Variants in XKR4 observed in about 807,000 individuals in gnomAD.
The protein encoded by XKR4 is XK-related protein 4.
In XKR4, 12 loss-of-function variants were observed where a neutral mutation model predicts 53.9. That is an observed-to-expected ratio of 0.22 (90% CI 0.14 to 0.36). The LOEUF (loss-of-function observed/expected upper bound fraction) is 0.36. XKR4 is among the 10% of genes least tolerant of loss of function. XKR4 has a pLI of 1.00. For synonymous variants in XKR4, 354 were observed against 362.4 expected, an observed-to-expected ratio of 0.98 and a Z score of 0.26; for missense variants, 799 against 859.5, an observed-to-expected ratio of 0.93 and a Z score of 0.88.
At chr8:55,487,374 T>C (rs1806208666) in intron 2 of XKR4, among the ~76,000 whole-genome samples, 2 of 152,082 alleles carry the variant, frequency 1.3e-5, no homozygotes, top group Non-Finnish European at 2.9e-5. Flanking sequence ...TTTCTCCACA[T>C]AGTCCACTCA....
chr8:55,254,149 A>T (rs2129370115), intron 1 of XKR4, among the ~76,000 whole-genome samples: 1 of 152,178 alleles, frequency 6.6e-6, no homozygotes, highest in Non-Finnish European at 1.5e-5. Flanking sequence ...TCTTTAATCG[A>T]GCCTTTCTTC....
rs542466268 is a variant in XKR4, at chr8:55,361,096, G to A, written c.1006+3219G>A. On this transcript the variant is annotated intron_variant, in intron 2 of 2. Coordinates refer to ENST00000327381, the MANE Select transcript of XKR4 (RefSeq NM_052898.2). ...AGCTACTCTCCACGGGATCTGGGAT[G>A]TCCCAGAGCCAGCTCCCCGCGGAGT... 3.9e-5 allele frequency among the ~76,000 whole-genome samples: 6 copies of A among 152,350 alleles called. No homozygotes were observed. In the East Asian group the frequency reaches 1.2e-3, roughly 29 times the overall value.
chr8:55,221,969 A>G (rs1465193079), intron 1 of XKR4, among the ~76,000 whole-genome samples: 2 of 152,280 alleles, frequency 1.3e-5, no homozygotes. Context: ...TTGAATTGGA[A>G]TGAGTGAATT....
At chr8:55,181,372 C>T (rs899935329) in intron 1 of XKR4, among the ~76,000 whole-genome samples, 5 of 152,100 alleles carry the variant, frequency 3.3e-5, no homozygotes, top group African/African-American at 9.7e-5. Context: ...TTTCTACATC[C>T]TCCCCTCATA....
chr8:55,383,038 C>G (rs188324939), intron 2 of XKR4, among the ~76,000 whole-genome samples: 1 of 152,022 alleles, frequency 6.6e-6, no homozygotes, highest in Admixed American at 6.6e-5. Context: ...CAGTGTGAAA[C>G]CCCGTTTCTA....
intron 1 of XKR4, among the ~76,000 whole-genome samples, chr8:55,322,114 T>A (rs772721880): frequency 1.8e-4 from 28 of 152,258 alleles, no homozygotes; most frequent in Non-Finnish European, 3.8e-4. Context: ...TTTTGTGTTC[T>A]TTATTCTTAC....
chr8:55,229,141 A>G (rs1465310145), intron 1 of XKR4, among the ~76,000 whole-genome samples: 2 of 152,196 alleles, frequency 1.3e-5, no homozygotes, highest in East Asian at 1.9e-4. Context: ...GCAGGCTTCT[A>G]GTGGGGCTGC....
At chr8:55,314,695 C>T (rs368209299) in intron 1 of XKR4, among the ~76,000 whole-genome samples, 31 of 152,262 alleles carry the variant, frequency 2.0e-4, no homozygotes, top group East Asian at 1.7e-3. Context: ...AGAAAGAATG[C>T]GTGTGCACAT....
intron 1 of XKR4, among the ~76,000 whole-genome samples, chr8:55,288,619 C>T (rs1818940650): frequency 6.6e-6 from 1 of 152,196 alleles, no homozygotes; most frequent in African/African-American, 2.4e-5. Flanking sequence ...CTTTCTCCAA[C>T]TGCCATATTT....
chr8:55,257,095 G>A (rs570498754), intron 1 of XKR4, among the ~76,000 whole-genome samples: 14 of 152,144 alleles, frequency 9.2e-5, no homozygotes, highest in South Asian at 4.1e-4. Context: ...ATCACATTGC[G>A]TATTAGGTTC....
At chr8:55,192,041 G>A (rs1817449924) in intron 1 of XKR4, among the ~76,000 whole-genome samples, 1 of 151,454 alleles carries the variant, frequency 6.6e-6, no homozygotes, top group South Asian at 2.1e-4. Flanking sequence ...CTGCTGCTGT[G>A]TCTATGTACT....
chr8:55,510,322 G>A (rs1037353612), intron 2 of XKR4, among the ~76,000 whole-genome samples: 1 of 152,206 alleles, frequency 6.6e-6, no homozygotes, highest in East Asian at 1.9e-4. Context: ...GCAGAAGGTG[G>A]ACGAGAAGCG....
chr8:55,255,587 A>C (rs1232939514), intron 1 of XKR4, among the ~76,000 whole-genome samples: 1 of 152,174 alleles, frequency 6.6e-6, no homozygotes, highest in African/African-American at 2.4e-5. Context: ...TTAGTGTATA[A>C]ATGAACAACC....
chr8:55,232,251 G>A lies in XKR4; in HGVS notation c.807-125427G>A, dbSNP rs138680664. 2.2e-3 allele frequency among the ~76,000 whole-genome samples: 332 copies of A among 152,306 alleles called. 2 individuals carry two copies. Among genetic ancestry groups the A allele is most frequent in the South Asian group, 0.018 (89 of 4,822 alleles). ...TTTTGGGGTGGGCAGGCAACTTGCC[G>A]GACATTAGTGATGCTTGACCAAGTG... is the stretch of plus-strand genomic sequence containing the variant. On this transcript the variant is annotated intron_variant, in intron 1 of 2. Coordinates refer to ENST00000327381, the MANE Select transcript of XKR4 (RefSeq NM_052898.2).
chr8:55,300,032 T>C (rs1819164798), intron 1 of XKR4, among the ~76,000 whole-genome samples: 1 of 151,962 alleles, frequency 6.6e-6, no homozygotes, highest in South Asian at 2.1e-4. Flanking sequence ...TGTCTGGAGG[T>C]GTCAAAGCCC....
intron 1 of XKR4, among the ~76,000 whole-genome samples, chr8:55,294,554 A>G (rs1285000667): frequency 6.6e-6 from 1 of 152,158 alleles, no homozygotes; most frequent in Non-Finnish European, 1.5e-5. Context: ...AATAGACAAC[A>G]TCTCGTGATT....
intron 1 of XKR4, among the ~76,000 whole-genome samples, chr8:55,286,074 C>T (rs1818903749): frequency 6.6e-6 from 1 of 152,200 alleles, no homozygotes; most frequent in South Asian, 2.1e-4. Context: ...GGCTTGGGAA[C>T]AGCAGTCACA....
intron 2 of XKR4, among the ~76,000 whole-genome samples, chr8:55,463,508 C>A (rs1413176078): frequency 6.6e-6 from 1 of 151,320 alleles, no homozygotes; most frequent in African/African-American, 2.4e-5. Flanking sequence ...CACTAAATGC[C>A]CACAAGAGAA....
intron 1 of XKR4, chr8:55,161,483 G>A (rs2306453): frequency 4.4e-6 from 2 of 454,244 alleles, no homozygotes; most frequent in African/African-American, 4.0e-5. Context: ...GCAGTGATGG[G>A]TCCTTTATAG....
Sources: gnomAD v4.1 joint callset for allele counts (sites outside exome capture counted in the v4.1 genomes callset) on GRCh38, gnomAD v4.1.1 for gene constraint, MANE v1.5 for transcripts, NCBI Gene and HGNC (gene_info 2026-07-23, HGNC 2026-07-21) for gene names.